The following NOL4 variants were observed in gnomAD, a reference collection of about 807,000 sequenced individuals.
NOL4 encodes cancer/testis antigen 125.
Under a neutral mutation model 75.9 loss-of-function variants are expected in NOL4, and 17 were observed. That is an observed-to-expected ratio of 0.22 (90% CI 0.15 to 0.34). The LOEUF is 0.34. Among genes scored for constraint, NOL4 ranks in the 10% least tolerant of loss-of-function variants. NOL4 has a pLI of 1.00. For synonymous variants in NOL4, 292 were observed against 289.9 expected (o/e 1.01, Z -0.07); for missense variants, 614 against 793.5 (o/e 0.77, Z 2.72).
At chr18:33,961,750 G>T (rs564605611) in intron 6 of NOL4, among the ~76,000 whole-genome samples, 2 of 152,096 alleles carry the variant, frequency 1.3e-5, no homozygotes, top group Admixed American at 1.3e-4. Context: ...TCATCACTGG[G>T]CTGGTAACAC....
rs910161194 is a variant in NOL4, at chr18:33,887,108, T to C, written c.1543-3684A>G. 3.6e-4 allele frequency among the ~76,000 whole-genome samples: 51 copies of C among 142,242 alleles called. 1 individual carries two copies. Among genetic ancestry groups the C allele is most frequent in the Non-Finnish European group, 6.3e-4 (42 of 66,156 alleles). 93.3% of individuals were successfully genotyped at this position (142,242 alleles called of 152,430 possible). On this transcript the variant is annotated intron_variant, in intron 9 of 10. Coordinates refer to ENST00000261592, the MANE Select transcript of NOL4 (RefSeq NM_003787.5). ...TATATTAGATATAGATATATATATC[T>C]CTGTATCTATATATATTATATCTAG... is the stretch of plus-strand genomic sequence containing the variant.
At chr18:34,059,490 C>G (rs1227371528) in intron 5 of NOL4, among the ~76,000 whole-genome samples, 3 of 151,974 alleles carry the variant, frequency 2.0e-5, no homozygotes, top group Admixed American at 2.0e-4. Context: ...TCTTGGAAGC[C>G]TCACCTGAAT....
chr18:34,063,047 AGAG>A (rs1327741001), intron 5 of NOL4, among the ~76,000 whole-genome samples: 1 of 152,142 alleles, frequency 6.6e-6, no homozygotes, highest in Admixed American at 6.5e-5. Context: ...CTGAAAAGGT[AGAG>A]AAGAGTGATT....
chr18:34,084,153 T>C (rs969945597), intron 5 of NOL4, among the ~76,000 whole-genome samples: 21 of 152,120 alleles, frequency 1.4e-4, no homozygotes, highest in African/African-American at 4.6e-4. Context: ...AGGAGCCAGA[T>C]CAGAGACCCA....
intron 5 of NOL4, among the ~76,000 whole-genome samples, chr18:34,076,334 C>T (rs576737763): frequency 4.6e-5 from 7 of 152,204 alleles, no homozygotes; most frequent in South Asian, 2.1e-4. Context: ...CCATACGGAG[C>T]GGCCAGGAGG....
intron 5 of NOL4, among the ~76,000 whole-genome samples, chr18:34,027,115 C>T (rs565804797): frequency 1.4e-4 from 21 of 152,076 alleles, no homozygotes; most frequent in Non-Finnish European, 3.1e-4. Flanking sequence ...TCAGTGAAGG[C>T]AGGCTTTAGA....
chr18:34,193,211 T>C (rs2035051048), intron 1 of NOL4, among the ~76,000 whole-genome samples: 1 of 152,108 alleles, frequency 6.6e-6, no homozygotes, highest in South Asian at 2.1e-4. Flanking sequence ...ACAATGATTT[T>C]TTGATATATA....
intron 2 of NOL4, among the ~76,000 whole-genome samples, chr18:34,124,479 CT>C (rs1410148868): frequency 6.6e-6 from 1 of 152,016 alleles, no homozygotes; most frequent in African/African-American, 2.4e-5. Context: ...CATAGTTCCC[CT>C]TTTTTTGAAA....
chr18:34,187,570 G>A (rs923504874), intron 1 of NOL4, among the ~76,000 whole-genome samples: 1 of 151,830 alleles, frequency 6.6e-6, no homozygotes, highest in African/African-American at 2.4e-5. Context: ...GTATTTTTTA[G>A]TAGAGACGGG....
At chr18:33,884,814 A>G (rs922238464) in intron 9 of NOL4, among the ~76,000 whole-genome samples, 5 of 152,142 alleles carry the variant, frequency 3.3e-5, no homozygotes, top group African/African-American at 1.2e-4. Context: ...AGTTTGCTCT[A>G]TTGAAACAGT....
rs183818350 is a variant in NOL4 at position 34,137,219 on chromosome 18, G to A, written c.265-7199C>T. Among the ~76,000 whole-genome samples the A allele has an allele frequency of 2.3e-3, 347 of 152,226 alleles. 2 individuals are homozygous for A. The highest frequency in any genetic ancestry group is 0.01 in the Middle Eastern group (3 of 294). ...CAAGGTTACACAGAAGTAAATGTTT[G>A]TAACCTTGGGTAACGCAAAGTCCTC... On this transcript the variant is annotated intron_variant, in intron 1 of 10. Coordinates refer to ENST00000261592, the MANE Select transcript of NOL4 (RefSeq NM_003787.5).
intron 5 of NOL4, among the ~76,000 whole-genome samples, chr18:34,025,136 G>A (rs920055731): frequency 6.6e-6 from 1 of 152,034 alleles, no homozygotes; most frequent in African/African-American, 2.4e-5. Flanking sequence ...AGAAAAAGAA[G>A]CCAAAAGCCA....
At chr18:34,015,294 C>T (rs1232109982) in intron 6 of NOL4, among the ~76,000 whole-genome samples, 1 of 152,024 alleles carries the variant, frequency 6.6e-6, no homozygotes, top group African/African-American at 2.4e-5. Context: ...GCCTCTATAA[C>T]TGTCTTCAAT....
intron 6 of NOL4, among the ~76,000 whole-genome samples, chr18:34,012,284 C>G (rs547375661): frequency 6.6e-6 from 1 of 151,780 alleles, no homozygotes; most frequent in South Asian, 2.1e-4. Context: ...ATTTTACAAT[C>G]CCTAGTAATG....
In NOL4 at chr18:33,975,793, G is replaced by A. The variant is rs1295223414; in HGVS notation, c.1057-17375C>T. Among the ~76,000 whole-genome samples the A allele has an allele frequency of 2.0e-5, 3 of 152,156 alleles. No individual in the cohort carries two copies. The East Asian group carries it at 5.8e-4, about 29-fold the overall frequency. The stretch of plus-strand genomic sequence containing the variant: ...TAAATTAATTTTAAAAAGGCAATTG[G>A]TGAAGAAATTAATACACATGGAAAT... On this transcript the variant is annotated intron_variant, in intron 6 of 10. Coordinates refer to ENST00000261592, the MANE Select transcript of NOL4 (RefSeq NM_003787.5).
At chr18:34,079,656 T>C (rs1055392788) in intron 5 of NOL4, among the ~76,000 whole-genome samples, 2 of 151,108 alleles carry the variant, frequency 1.3e-5, no homozygotes, top group African/African-American at 4.9e-5. Context: ...ATCTTATTTC[T>C]CCAAATTGCT....
chr18:33,859,878 G>T (rs944279973), intron 10 of NOL4, among the ~76,000 whole-genome samples: 3 of 151,994 alleles, frequency 2.0e-5, no homozygotes, highest in African/African-American at 7.2e-5. Flanking sequence ...AGATCATGCC[G>T]CTACACTCCA....
intron 6 of NOL4, among the ~76,000 whole-genome samples, chr18:34,008,495 T>C (rs1377522390): frequency 6.6e-6 from 1 of 151,974 alleles, no homozygotes; most frequent in Non-Finnish European, 1.5e-5. Context: ...ATGAAAAATG[T>C]AAAAATAAAT....
chr18:34,175,903 T>A (rs1010712698), intron 1 of NOL4, among the ~76,000 whole-genome samples: 1 of 152,070 alleles, frequency 6.6e-6, no homozygotes, highest in African/African-American at 2.4e-5. Flanking sequence ...TATAATATTA[T>A]TTAAAATATC....
Sources: allele counts gnomAD v4.1 joint callset (sites outside exome capture counted in the v4.1 genomes callset), GRCh38; gene constraint gnomAD v4.1.1; transcripts MANE v1.5; gene names NCBI Gene and HGNC (gene_info 2026-07-23, HGNC 2026-07-21).